SLMAP: variants seen among roughly 807,000 people sequenced by gnomAD.
SLMAP encodes sarcolemma associated protein, also known as sarcolemmal membrane-associated protein.
Under a neutral mutation model 128.8 loss-of-function variants are expected in SLMAP, and 44 were observed. That is an observed-to-expected ratio of 0.34 (90% CI 0.27 to 0.44). SLMAP has a LOEUF of 0.44. SLMAP is among the 20% of genes least tolerant of loss of function. SLMAP has a pLI of 1.00. For missense variants in SLMAP, 787 were observed against 985.3 expected, an observed-to-expected ratio of 0.80 and a Z score of 2.69; for synonymous variants, 327 against 348.8, an observed-to-expected ratio of 0.94 and a Z score of 0.70.
chr3:57,823,394 C>T (rs373473287), intron 2 of SLMAP, among the ~76,000 whole-genome samples: 68 of 152,128 alleles, frequency 4.5e-4, no homozygotes, highest in African/African-American at 1.3e-3. Context: ...CAACAGTCCC[C>T]GGTGTGTGAT....
intron 3 of SLMAP, among the ~76,000 whole-genome samples, chr3:57,832,773 GT>G (rs930118407): frequency 6.6e-6 from 1 of 152,004 alleles, no homozygotes; most frequent in Non-Finnish European, 1.5e-5. Context: ...TTTTTAATGG[GT>G]TTTTTTGGCC....
intron 3 of SLMAP, among the ~76,000 whole-genome samples, chr3:57,833,956 A>G (rs962888033): frequency 6.6e-6 from 1 of 152,140 alleles, no homozygotes; most frequent in Non-Finnish European, 1.5e-5. Context: ...TTTTTATCCT[A>G]TGCTAAACAG....
chr3:57,906,671 AAAAATAT>A (rs954169267), intron 17 of SLMAP, among the ~76,000 whole-genome samples: 18 of 27,820 alleles, frequency 6.5e-4, no homozygotes, highest in East Asian at 0.011. Flanking sequence ...AATATGAAAA[AAAAATAT>A]ATATATATAT....
intron 2 of SLMAP, among the ~76,000 whole-genome samples, chr3:57,771,547 TTAGACAGGGTCTTGTTC>T (rs2080898457): frequency 6.6e-6 from 1 of 152,090 alleles, no homozygotes; most frequent in Non-Finnish European, 1.5e-5. Context: ...TTCTTTTTTT[TTAGACAGGGTCTTGTTC>T]TGTTGCCCAG....
intron 2 of SLMAP, among the ~76,000 whole-genome samples, chr3:57,783,773 A>C (rs2083517491): frequency 2.0e-5 from 3 of 152,208 alleles, no homozygotes; most frequent in Admixed American, 2.0e-4. Context: ...AGAGATCTTC[A>C]AGGCTATCCC....
chr3:57,896,454 TATTG>T, intron 15 of SLMAP, 53 bp from the exon 16 acceptor site: 1 of 1,509,930 alleles, frequency 6.6e-7, no homozygotes, highest in Non-Finnish European at 8.8e-7. Flanking sequence ...GAAGCAGTTT[TATTG>T]ATATAAGATA....
At chr3:57,804,277 A>G (rs1040320471) in intron 2 of SLMAP, among the ~76,000 whole-genome samples, 2 of 152,178 alleles carry the variant, frequency 1.3e-5, no homozygotes, top group Non-Finnish European at 2.9e-5. Flanking sequence ...TACATCATCC[A>G]TGCTTAAATG....
intron 2 of SLMAP, among the ~76,000 whole-genome samples, chr3:57,778,590 G>A (rs1399599353): frequency 3.3e-5 from 1 of 29,996 alleles, no homozygotes; most frequent in African/African-American, 1.2e-4. Flanking sequence ...TTTTTTTTTT[G>A]AGACCAGGCC....
intron 22 of SLMAP, among the ~76,000 whole-genome samples, chr3:57,918,766 CCTCT>C (rs372122475): frequency 3.9e-5 from 6 of 152,308 alleles, no homozygotes; most frequent in African/African-American, 1.4e-4. Flanking sequence ...CCTTTGTTCT[CCTCT>C]CTGTCATAGA....
chr3:57,774,509 A>AATTATTATTATTATTATTATT (rs66990452), intron 2 of SLMAP, among the ~76,000 whole-genome samples: 1 of 147,400 alleles, frequency 6.8e-6, no homozygotes, highest in African/African-American at 2.5e-5. Context: ...TTTAATAGAC[A>AATTATTATTATTATTATTATT]ATTATTATTA....
At chr3:57,756,380 C>G (rs1313280530) in intron 1 of SLMAP, 38 bp downstream of exon 1, 1 of 152,906 alleles carries the variant, frequency 6.5e-6, no homozygotes, top group Non-Finnish European at 1.5e-5. Context: ...GGAGGTAGGA[C>G]CCGTCGTGGC....
At chr3:57,797,601 A>G (rs894728220) in intron 2 of SLMAP, among the ~76,000 whole-genome samples, 7 of 152,142 alleles carry the variant, frequency 4.6e-5, no homozygotes, top group Non-Finnish European at 7.4e-5. Flanking sequence ...TGTTATTTCA[A>G]TTTTCTTCTG....
intron 2 of SLMAP, among the ~76,000 whole-genome samples, chr3:57,786,527 A>G (rs1054441625): frequency 1.3e-5 from 2 of 151,760 alleles, no homozygotes; most frequent in African/African-American, 2.4e-5. Flanking sequence ...CTTCGTTCCC[A>G]ACTTCCCAAG....
In SLMAP at chr3:57,868,704, A is replaced by G. The variant is rs932930534; in HGVS notation, c.1238-2932A>G. ...ATTGTGCCACTGTACTCCAGCCTGG[A>G]CAACAGAGTAAGACCCTGTCTCTTA... On this transcript the variant is annotated intron_variant, in intron 13 of 24. Coordinates refer to ENST00000671191, the MANE Select transcript of SLMAP (RefSeq NM_001377540.1). Among the ~76,000 whole-genome samples the G allele has an allele frequency of 6.6e-5, 10 of 150,526 alleles. No individual in the cohort carries two copies. In the East Asian group the frequency reaches 1.7e-3, roughly 26 times the overall value.
chr3:57,825,370 G>GT (rs1174008005), intron 2 of SLMAP, among the ~76,000 whole-genome samples: 6 of 151,718 alleles, frequency 4.0e-5, no homozygotes, highest in African/African-American at 1.2e-4. Context: ...TTAGCTGTTG[G>GT]TTTTTTATAA....
At chr3:57,794,405 T>C (rs1425881934) in intron 2 of SLMAP, among the ~76,000 whole-genome samples, 1 of 152,236 alleles carries the variant, frequency 6.6e-6, no homozygotes, top group Non-Finnish European at 1.5e-5. Context: ...TTATAAGCAC[T>C]TCGTTTCAAA....
chr3:57,831,251 G>A, intron 2 of SLMAP, 132 bp from the exon 3 acceptor site: 1 of 516,766 alleles, frequency 1.9e-6, no homozygotes, highest in East Asian at 3.4e-5. Flanking sequence ...TAGCTGAAAT[G>A]AGTGGTTTGA....
intron 15 of SLMAP, among the ~76,000 whole-genome samples, chr3:57,893,535 T>TTAAAGTA (rs2096153606): frequency 6.6e-6 from 1 of 152,180 alleles, no homozygotes; most frequent in Non-Finnish European, 1.5e-5. Flanking sequence ...TTAAGGCAAC[T>TTAAAGTA]TTACCTTCCC....
intron 19 of SLMAP, among the ~76,000 whole-genome samples, chr3:57,910,806 G>A (rs2096675551): frequency 6.6e-6 from 1 of 152,122 alleles, no homozygotes; most frequent in Admixed American, 6.6e-5. Context: ...AGAGATAGGT[G>A]GGGAAGAAAT....
Sources: allele counts gnomAD v4.1 joint callset (sites outside exome capture counted in the v4.1 genomes callset), GRCh38; gene constraint gnomAD v4.1.1; transcripts MANE v1.5; gene names NCBI Gene and HGNC (gene_info 2026-07-23, HGNC 2026-07-21).